LRRC4C: variants seen among roughly 807,000 people sequenced by gnomAD.
LRRC4C encodes the protein leucine rich repeat containing 4C, also known as leucine-rich repeat-containing protein 4C.
LRRC4C carries 5 observed loss-of-function variants against 33.6 expected under a neutral mutation model. The ratio of observed to expected loss-of-function variants is 0.15; its 90% confidence interval spans 0.08 to 0.31. LRRC4C has a LOEUF of 0.31. Among genes scored for constraint, LRRC4C ranks in the 10% least tolerant of loss-of-function variants. The probability of loss-of-function intolerance (pLI) is 1.00; values close to 1 mark genes in which losing one functional copy is unlikely to be tolerated. For missense variants in LRRC4C, 560 were observed against 796.7 expected (o/e 0.70, Z 3.58); for synonymous variants, 329 against 302.0 (o/e 1.09, Z -0.93).
At chr11:40,806,297 A>G (rs1313371063) in intron 2 of LRRC4C, among the ~76,000 whole-genome samples, 1 of 152,028 alleles carries the variant, frequency 6.6e-6, no homozygotes, top group Non-Finnish European at 1.5e-5. Context: ...GGTTCCTTGG[A>G]TTTTCCTTCT....
At position 40,699,166 on chromosome 11, in the gene LRRC4C, G is replaced by A. The variant is rs181889833; in HGVS notation, c.-406-50888C>T. Among the ~76,000 whole-genome samples, 207 of 152,218 alleles carry A rather than the reference G, an allele frequency of 1.4e-3. 1 individual carries two copies. The highest frequency in any genetic ancestry group is 4.8e-3 in the African/African-American group (201 of 41,542). ...ATTACAATCATCTAAATTTTGAAAA[G>A]TTTTGAAAGATTTTCAGGAGAATCT... On this transcript the variant is annotated intron_variant, in intron 2 of 6. Coordinates refer to ENST00000528697, the MANE Select transcript of LRRC4C (RefSeq NM_001258419.2).
chr11:40,170,338 C>G (rs1380178456), intron 5 of LRRC4C, among the ~76,000 whole-genome samples: 1 of 152,144 alleles, frequency 6.6e-6, no homozygotes, highest in South Asian at 2.1e-4. Context: ...GGCAGAGAAC[C>G]TTGTGCATCC....
At chr11:40,607,352 A>C (rs1960730818) in intron 3 of LRRC4C, among the ~76,000 whole-genome samples, 5 of 152,072 alleles carry the variant, frequency 3.3e-5, no homozygotes, top group Admixed American at 3.3e-4. Context: ...TCATGCTCAA[A>C]TGTTGCATTT....
intron 3 of LRRC4C, among the ~76,000 whole-genome samples, chr11:40,385,635 G>A (rs1314564205): frequency 2.0e-5 from 3 of 151,950 alleles, no homozygotes; most frequent in East Asian, 1.9e-4. Flanking sequence ...TTGGGAGGCC[G>A]AGGTGGGCAG....
chr11:40,609,876 A>C (rs1961025322), intron 3 of LRRC4C, among the ~76,000 whole-genome samples: 1 of 151,998 alleles, frequency 6.6e-6, no homozygotes, highest in Non-Finnish European at 1.5e-5. Flanking sequence ...CGGAAGGACG[A>C]GTTAGAAGAC....
At chr11:40,717,006 T>G (rs1193451814) in intron 2 of LRRC4C, among the ~76,000 whole-genome samples, 3 of 152,198 alleles carry the variant, frequency 2.0e-5, no homozygotes, top group Admixed American at 1.3e-4. Flanking sequence ...TCTGCAGGAC[T>G]AAGCCTTTTA....
intron 1 of LRRC4C, among the ~76,000 whole-genome samples, chr11:41,113,220 C>G (rs1015619956): frequency 1.3e-5 from 2 of 151,846 alleles, no homozygotes; most frequent in African/African-American, 4.8e-5. Flanking sequence ...ATTGATCCAC[C>G]GCTCATCAGC....
chr11:41,062,258 CT>C (rs1417293670), intron 1 of LRRC4C, among the ~76,000 whole-genome samples: 24 of 152,274 alleles, frequency 1.6e-4, no homozygotes, highest in African/African-American at 5.8e-4. Flanking sequence ...ACCTTTCACC[CT>C]TCAAAAGGCA....
At chr11:40,987,714 G>A (rs1351018350) in intron 1 of LRRC4C, among the ~76,000 whole-genome samples, 2 of 137,326 alleles carry the variant, frequency 1.5e-5, no homozygotes, top group Non-Finnish European at 1.5e-5. Flanking sequence ...AGATATATAT[G>A]ATATATATAG....
intron 2 of LRRC4C, among the ~76,000 whole-genome samples, chr11:40,759,415 T>A (rs1368135300): frequency 1.3e-5 from 2 of 151,640 alleles, no homozygotes; most frequent in Non-Finnish European, 2.9e-5. Flanking sequence ...CCCTAAACCA[T>A]GTGACATCAA....
intron 3 of LRRC4C, among the ~76,000 whole-genome samples, chr11:40,358,707 T>G (rs982588431): frequency 4.6e-5 from 7 of 152,126 alleles, no homozygotes; most frequent in Admixed American, 3.3e-4. Flanking sequence ...AAAATGTGTG[T>G]GCACCTGCGG....
At chr11:40,573,625 A>C (rs192171953) in intron 3 of LRRC4C, among the ~76,000 whole-genome samples, 1 of 152,320 alleles carries the variant, frequency 6.6e-6, no homozygotes, top group Admixed American at 6.5e-5. Context: ...AAGCTTTCAC[A>C]TGACAGTAAG....
chr11:40,865,751 T>C (rs1954333028), intron 2 of LRRC4C, among the ~76,000 whole-genome samples: 2 of 151,888 alleles, frequency 1.3e-5, no homozygotes, highest in African/African-American at 4.8e-5. Context: ...TTAAAGAGCA[T>C]AAACCTTTGG....
intron 1 of LRRC4C, among the ~76,000 whole-genome samples, chr11:41,142,871 C>T (rs779371784): frequency 2.0e-5 from 3 of 152,126 alleles, no homozygotes; most frequent in African/African-American, 4.8e-5. Context: ...TTAACAAAAA[C>T]AAGTATTTCC....
intron 3 of LRRC4C, among the ~76,000 whole-genome samples, chr11:40,553,366 G>A (rs561847578): frequency 3.2e-4 from 49 of 152,264 alleles, no homozygotes; most frequent in African/African-American, 7.7e-4. Context: ...TAGGAATACT[G>A]TATATTCAAA....
At chr11:41,286,368 G>C (rs1313043794) in intron 1 of LRRC4C, among the ~76,000 whole-genome samples, 1 of 152,080 alleles carries the variant, frequency 6.6e-6, no homozygotes, top group African/African-American at 2.4e-5. Context: ...CTCAACAAAC[G>C]ATACTTTCTA....
chr11:40,619,742 A>G (rs989235162), intron 3 of LRRC4C, among the ~76,000 whole-genome samples: 2 of 151,396 alleles, frequency 1.3e-5, no homozygotes, highest in African/African-American at 4.8e-5. Flanking sequence ...AGGCTGCTAA[A>G]CAGAAATGTA....
At chr11:40,475,226 G>T (rs1953150431) in intron 3 of LRRC4C, among the ~76,000 whole-genome samples, 1 of 152,010 alleles carries the variant, frequency 6.6e-6, no homozygotes, top group African/African-American at 2.4e-5. Context: ...TTGTAGACTG[G>T]TTAAAAAAAT....
intron 3 of LRRC4C, among the ~76,000 whole-genome samples, chr11:40,603,793 G>T (rs922651748): frequency 6.6e-6 from 1 of 152,156 alleles, no homozygotes; most frequent in East Asian, 1.9e-4. Context: ...CCAAGCCACA[G>T]CATCTAAGAG....
Sources: gnomAD v4.1 joint callset for allele counts (sites outside exome capture counted in the v4.1 genomes callset) on GRCh38, gnomAD v4.1.1 for gene constraint, MANE v1.5 for transcripts, NCBI Gene and HGNC (gene_info 2026-07-23, HGNC 2026-07-21) for gene names.